Variants in DENND4A observed in about 807,000 individuals in gnomAD.
DENND4A encodes C-myc promoter-binding protein.
A neutral mutation model predicts 199.3 loss-of-function variants in DENND4A; 70 were observed. That is an observed-to-expected ratio of 0.35 (90% CI 0.29 to 0.43). DENND4A has a LOEUF of 0.43. DENND4A is among the 20% of genes least tolerant of loss of function. DENND4A has a pLI of 1.00. For missense variants in DENND4A, 1,723 were observed against 2,255.8 expected (o/e 0.76, Z 4.78); for synonymous variants, 686 against 766.9 (o/e 0.89, Z 1.74).
Position 65,700,598 on chromosome 15 carries a change from G to A in DENND4A, c.2779C>T (p.Pro927Ser). 9 of 1,546,190 alleles carry A rather than the reference G, an allele frequency of 5.8e-6. No individual in the cohort carries two copies. Among genetic ancestry groups the A allele is most frequent in the Non-Finnish European group, 7.9e-6 (9 of 1,144,578 alleles). The stretch of plus-strand genomic sequence containing the variant: ...ACTTTGATTAAACCCGTATTAAAAG[G>A]TGCCTGCTCCACAGTGTGTGTCCCA... ...GHGTHTVEQA[P>S]FNTGLIKVYA... Residue 927 changes from proline (P) to serine (S), a missense_variant, in exon 20 of 33, where the codon CCT becomes TCT. Coordinates refer to ENST00000443035, the MANE Select transcript of DENND4A (RefSeq NM_001320835.1).
chr15:65,750,092 G>C (rs1415369501), intron 4 of DENND4A, among the ~76,000 whole-genome samples: 1 of 151,094 alleles, frequency 6.6e-6, no homozygotes, highest in Non-Finnish European at 1.5e-5. Context: ...GATAACGATA[G>C]AAAAAAGGCT....
chr15:65,788,854 T>TAAAA (rs34831088), intron 1 of DENND4A, among the ~76,000 whole-genome samples: 2 of 102,376 alleles, frequency 2.0e-5, no homozygotes, highest in Non-Finnish European at 3.8e-5. Flanking sequence ...GGACTTGTCT[T>TAAAA]AAAAAAAAAA....
At chr15:65,784,844 T>C (rs896466215) in intron 1 of DENND4A, among the ~76,000 whole-genome samples, 3 of 152,084 alleles carry the variant, frequency 2.0e-5, no homozygotes, top group South Asian at 2.1e-4. Flanking sequence ...GTACTAATTA[T>C]ATTAATAAAA....
At position 65,731,676 on chromosome 15, in the gene DENND4A, G is replaced by T. The variant is rs2075963651; in HGVS notation, c.1132C>A (p.Leu378Ile). The T allele has an allele frequency of 5.8e-6, 9 of 1,559,854 alleles. No homozygotes were observed. Among genetic ancestry groups the T allele is most frequent in the Non-Finnish European group, 7.8e-6 (9 of 1,150,662 alleles). The change falls in exon 9 of 33, where the codon CTC becomes ATC. Residue 378 changes from leucine (L) to isoleucine (I), a missense_variant. Coordinates refer to ENST00000443035, the MANE Select transcript of DENND4A (RefSeq NM_001320835.1). ...AGAGGTGAAGACACAGGCTGACTGAGAATCAGATTATCATGTGGTGATAAC... is the reference window on the plus strand; with the variant it reads ...AGAGGTGAAGACACAGGCTGACTGATAATCAGATTATCATGTGGTGATAAC... ...VQLSPHDNLI[L>I]SQPVSSPLPL...
At chr15:65,678,072 C>T (rs7182920) in intron 23 of DENND4A, among the ~76,000 whole-genome samples, 73 of 151,662 alleles carry the variant, frequency 4.8e-4, no homozygotes, top group African/African-American at 1.5e-3. Flanking sequence ...GGATTACAGG[C>T]GCCCGCCACC....
At chr15:65,732,628 T>C (rs1436194380) in intron 8 of DENND4A, 124 bp downstream of exon 8, 12 of 578,988 alleles carry the variant, frequency 2.1e-5, no homozygotes, top group Middle Eastern at 4.6e-4. Flanking sequence ...CAGGTAATAG[T>C]ATCTGGTTCT....
At chr15:65,748,018 C>A (rs867536265) in intron 4 of DENND4A, among the ~76,000 whole-genome samples, 4 of 112,378 alleles carry the variant, frequency 3.6e-5, no homozygotes, top group African/African-American at 1.4e-4. Context: ...CCAGCCTGGG[C>A]GACAGAGCGA....
chr15:65,782,358 G>A (rs777401899), intron 1 of DENND4A, among the ~76,000 whole-genome samples: 9 of 151,990 alleles, frequency 5.9e-5, no homozygotes, highest in Non-Finnish European at 1.2e-4. Flanking sequence ...CCCAAGAGAC[G>A]GCTTCCCCAA....
chr15:65,728,609 G>A (rs1411631680), intron 11 of DENND4A, among the ~76,000 whole-genome samples: 3 of 151,306 alleles, frequency 2.0e-5, no homozygotes, highest in East Asian at 1.9e-4. Flanking sequence ...TCAGCCTCCC[G>A]AGTAGCTGGG....
At chr15:65,768,590 G>A (rs2077043803) in intron 1 of DENND4A, among the ~76,000 whole-genome samples, 2 of 152,122 alleles carry the variant, frequency 1.3e-5, no homozygotes, top group East Asian at 1.9e-4. Context: ...ACATTATTTT[G>A]GTCCAGCTTT....
chr15:65,700,474 A>G (rs2074826711), intron 20 of DENND4A, 70 bp downstream of exon 20: 1 of 1,066,524 alleles, frequency 9.4e-7, no homozygotes, highest in Non-Finnish European at 1.2e-6. Context: ...GAAAATGTAA[A>G]AAAACATAGG....
At chr15:65,745,325 G>A (rs952439587) in intron 4 of DENND4A, among the ~76,000 whole-genome samples, 1 of 151,872 alleles carries the variant, frequency 6.6e-6, no homozygotes, top group Non-Finnish European at 1.5e-5. Context: ...AATATGTCTG[G>A]CTATCTGCAA....
At chr15:65,699,576 T>C (rs2077276132) in intron 20 of DENND4A, among the ~76,000 whole-genome samples, 1 of 149,956 alleles carries the variant, frequency 6.7e-6, no homozygotes. Context: ...TATATACACA[T>C]ATATAAATAC....
At chr15:65,662,105 G>C in intron 32 of DENND4A, 118 bp from the exon 33 acceptor site, 1 of 816,082 alleles carries the variant, frequency 1.2e-6, no homozygotes, top group Non-Finnish European at 1.9e-6. Context: ...GAATTGCTAG[G>C]ACATTTCTTT....
At chr15:65,781,069 T>C (rs1356866936) in intron 1 of DENND4A, among the ~76,000 whole-genome samples, 1 of 152,008 alleles carries the variant, frequency 6.6e-6, no homozygotes, top group African/African-American at 2.4e-5. Context: ...CTAAAAGTTG[T>C]AAAGGAGTTA....
chr15:65,751,886 G>A (rs2076571798), intron 4 of DENND4A, among the ~76,000 whole-genome samples: 1 of 152,152 alleles, frequency 6.6e-6, no homozygotes. Flanking sequence ...AACTTTTACT[G>A]TAAAGGATAA....
chr15:65,691,557 A>G, intron 22 of DENND4A, 46 bp from the exon 23 acceptor site: 1 of 1,466,032 alleles, frequency 6.8e-7, no homozygotes, highest in Non-Finnish European at 9.0e-7. Flanking sequence ...TATAATAGCA[A>G]ATATAAGTCA....
chr15:65,769,013 A>G (rs1316501712), intron 1 of DENND4A, among the ~76,000 whole-genome samples: 1 of 147,182 alleles, frequency 6.8e-6, no homozygotes, highest in Non-Finnish European at 1.5e-5. Context: ...CCAAAAAACA[A>G]AAAAAAAAAC....
At chr15:65,662,931 G>C (rs2075901409) in intron 32 of DENND4A, among the ~76,000 whole-genome samples, 1 of 152,146 alleles carries the variant, frequency 6.6e-6, no homozygotes, top group Admixed American at 6.5e-5. Flanking sequence ...CAGAGGGCTA[G>C]AGTAATATCT....
Sources: allele counts gnomAD v4.1 joint callset (sites outside exome capture counted in the v4.1 genomes callset), GRCh38; gene constraint gnomAD v4.1.1; transcripts MANE v1.5; gene names NCBI Gene and HGNC (gene_info 2026-07-23, HGNC 2026-07-21).